Variants in TOPBP1 observed in about 807,000 individuals in gnomAD.
TOPBP1 encodes the protein DNA topoisomerase 2-binding protein 1.
Under a neutral mutation model 167.7 loss-of-function variants are expected in TOPBP1, and 28 were observed. The ratio of observed to expected loss-of-function variants is 0.17; its 90% CI spans 0.12 to 0.23. TOPBP1 has a LOEUF of 0.23. Among genes scored for constraint, TOPBP1 ranks in the 10% least tolerant of loss-of-function variants. TOPBP1 has a pLI of 1.00. For synonymous variants in TOPBP1, 598 were observed against 611.4 expected, an observed-to-expected ratio of 0.98 and a Z score of 0.32; for missense variants, 1,554 against 1,809.6, an observed-to-expected ratio of 0.86 and a Z score of 2.56.
intron 19 of TOPBP1, among the ~76,000 whole-genome samples, chr3:133,622,438 C>A (rs950717322): frequency 6.6e-6 from 1 of 151,464 alleles, no homozygotes; most frequent in East Asian, 1.9e-4. Flanking sequence ...GGTGATCTGC[C>A]TGCCTCAGCC....
rs544924470 is a variant in TOPBP1, at chr3:133,607,542, G to A, written c.4425+993C>T. On this transcript the variant is annotated intron_variant, in intron 27 of 27. Transcript: ENST00000260810. ...TTACACTTCCCACCAATAATGTACA[G>A]ATTGAGCATCTCAAATCCAAAAGTT... 1.3e-3 allele frequency among the ~76,000 whole-genome samples: 196 copies of A among 152,060 alleles called. 1 individual carries two copies. In the Middle Eastern group the frequency reaches 0.027, roughly 21 times the overall value.
At chr3:133,618,494 C>T in intron 20 of TOPBP1, 61 bp from the exon 21 acceptor site, 1 of 1,525,176 alleles carries the variant, frequency 6.6e-7, no homozygotes, top group Non-Finnish European at 9.0e-7. Context: ...TCATTAAATC[C>T]ATAAGTTAGA....
chr3:133,649,486 C>G lies in TOPBP1; in HGVS notation c.1401G>C (p.Lys467Asn). 6.2e-7 allele frequency: 1 copy of G among 1,613,846 alleles called. No homozygotes were observed. The highest frequency in any genetic ancestry group is 8.5e-7 in the Non-Finnish European group (1 of 1,179,856). Residue 467 changes from lysine (K) to asparagine (N), a missense_variant, in exon 10 of 28, where the codon AAG becomes AAC. Around this residue, in one of 3 missense-constraint regions of TOPBP1, gnomAD observed 1,197 missense variants for 1,351.5 expected, o/e 0.89. Coordinates refer to ENST00000260810, the MANE Select transcript of TOPBP1 (RefSeq NM_007027.4). ...KPESKAALLK[K>N]KNSSFSKKDF... is the part of the protein sequence containing the mutation. ...CTTTCTTAGAGAAGCTGCTGTTCTT[C>G]TTTTTTAAAAGAGCTGCTTTACTTT...
intron 23 of TOPBP1, among the ~76,000 whole-genome samples, chr3:133,615,709 C>T (rs1055236402): frequency 6.6e-6 from 1 of 152,128 alleles, no homozygotes; most frequent in Non-Finnish European, 1.5e-5. Flanking sequence ...AAAAAACTCA[C>T]TGATATTTTA....
chr3:133,603,393 A>G (rs1934377196), intron 27 of TOPBP1, among the ~76,000 whole-genome samples: 1 of 152,150 alleles, frequency 6.6e-6, no homozygotes, highest in Admixed American at 6.5e-5. Flanking sequence ...CCTAAATCCA[A>G]TCATATCAAT....
At chr3:133,631,211 C>A (rs1351741436) in intron 14 of TOPBP1, among the ~76,000 whole-genome samples, 4 of 152,196 alleles carry the variant, frequency 2.6e-5, no homozygotes, top group African/African-American at 7.2e-5. Flanking sequence ...AAAAGTTGAT[C>A]ATCTAAAAAG....
At chr3:133,653,600 C>G (rs1936375260) in intron 6 of TOPBP1, 76 bp from the exon 7 acceptor site, 2 of 1,229,612 alleles carry the variant, frequency 1.6e-6, no homozygotes, top group Non-Finnish European at 2.2e-6. Context: ...TCTATCTTTG[C>G]AGAAATATTC....
At chr3:133,630,903 T>C (rs1004367321) in intron 14 of TOPBP1, among the ~76,000 whole-genome samples, 3 of 152,224 alleles carry the variant, frequency 2.0e-5, no homozygotes, top group Non-Finnish European at 2.9e-5. Flanking sequence ...TGTTTAAATC[T>C]GATCATCTAG....
chr3:133,639,655 A>T (rs936362321), intron 13 of TOPBP1, among the ~76,000 whole-genome samples: 2 of 152,220 alleles, frequency 1.3e-5, no homozygotes, highest in African/African-American at 4.8e-5. Flanking sequence ...TTAGCTGAGA[A>T]CTGAAAGATA....
intron 14 of TOPBP1, among the ~76,000 whole-genome samples, chr3:133,636,527 T>C (rs1467969264): frequency 1.3e-5 from 2 of 152,286 alleles, no homozygotes; most frequent in Non-Finnish European, 2.9e-5. Context: ...CAATAAACTA[T>C]GACTCTAAAC....
chr3:133,601,308 GATA>G lies in TOPBP1; in HGVS notation c.4508_4510del (p.Leu1503del). On this transcript the variant is annotated inframe_deletion, in exon 28 of 28. Transcript: ENST00000260810. ...TTCTGTAGGAGCTTTCCTCTTTTGT[GATA>G]ATCCAGTCCCAAGTTCCTTATTATT... 6.2e-7 allele frequency: 1 copy of G among 1,606,222 alleles called. No individual in the cohort carries two copies. The highest frequency in any genetic ancestry group is 8.5e-7 in the Non-Finnish European group (1 of 1,176,746).
intron 14 of TOPBP1, among the ~76,000 whole-genome samples, chr3:133,635,148 G>A (rs1347926822): frequency 6.6e-6 from 1 of 152,102 alleles, no homozygotes; most frequent in East Asian, 1.9e-4. Flanking sequence ...TAGATGTGGG[G>A]TCTCACCATG....
rs187101537 is a variant in TOPBP1, at chr3:133,648,355, G to A, written c.1504+1028C>T. ...GGGGAGAGCAAAGAAACAGTTAAAC[G>A]TGTTAGTAAATGAAACAAATACTGA... is the stretch of plus-strand genomic sequence containing the variant. On this transcript the variant is annotated intron_variant, in intron 10 of 27. Transcript: ENST00000260810. Among the ~76,000 whole-genome samples the A allele has an allele frequency of 1.6e-3, 243 of 152,328 alleles. 1 individual carries two copies. The highest frequency in any genetic ancestry group is 5.7e-3 in the African/African-American group (237 of 41,558).
intron 16 of TOPBP1, among the ~76,000 whole-genome samples, 184 bp from the exon 17 acceptor site, chr3:133,624,359 G>A (rs1353862390): frequency 3.3e-5 from 5 of 152,196 alleles, no homozygotes; most frequent in Non-Finnish European, 7.3e-5. Context: ...AGCTACCCAG[G>A]AGGCTGAGGC....
chr3:133,615,888 G>A (rs962383195), intron 23 of TOPBP1, among the ~76,000 whole-genome samples: 3 of 152,088 alleles, frequency 2.0e-5, no homozygotes, highest in Admixed American at 6.6e-5. Flanking sequence ...TTACAGGTGT[G>A]AGCCAATGCA....
At chr3:133,607,396 T>A (rs1934527862) in intron 27 of TOPBP1, among the ~76,000 whole-genome samples, 1 of 152,146 alleles carries the variant, frequency 6.6e-6, no homozygotes, top group African/African-American at 2.4e-5. Flanking sequence ...CAGGCTTTTT[T>A]ATGGACATAT....
chr3:133,660,267 A>C (rs374771166), intron 2 of TOPBP1, among the ~76,000 whole-genome samples: 6 of 152,176 alleles, frequency 3.9e-5, no homozygotes, highest in African/African-American at 1.4e-4. Context: ...CCACCCCAAG[A>C]AACATCCTCT....
intron 14 of TOPBP1, among the ~76,000 whole-genome samples, chr3:133,629,729 AT>A (rs1935399504): frequency 6.6e-6 from 1 of 151,880 alleles, no homozygotes; most frequent in South Asian, 2.1e-4. Context: ...GTATGCTTTA[AT>A]TTTCTACTCT....
At chr3:133,615,111 A>ATTTTTTTTTTTTTTTT in intron 23 of TOPBP1, among the ~76,000 whole-genome samples, 1 of 150,606 alleles carries the variant, frequency 6.6e-6, no homozygotes. Context: ...AGTTTTCCAC[A>ATTTTTTTTTTTTTTTT]TTCTTAAAAA....
Sources: gnomAD v4.1 joint callset for allele counts (sites outside exome capture counted in the v4.1 genomes callset) on GRCh38, gnomAD v4.1.1 for gene constraint, gnomAD v4.1.1 regional missense constraint, MANE v1.5 for transcripts, NCBI Gene and HGNC (gene_info 2026-07-23, HGNC 2026-07-21) for gene names.